The following USP15 variants were observed in gnomAD, a reference collection of about 807,000 sequenced individuals.
USP15 encodes the protein ubiquitin carboxyl-terminal hydrolase 15.
In USP15, 18 loss-of-function variants were observed where a neutral mutation model predicts 127.1. That is an observed-to-expected ratio of 0.14 (90% confidence interval 0.10 to 0.21). USP15 has a LOEUF of 0.21. Among genes scored for constraint, USP15 ranks in the 10% least tolerant of loss-of-function variants. The pLI is 1.00. For missense variants in USP15, 805 were observed against 1,159.9 expected, an observed-to-expected ratio of 0.69 and a Z score of 4.44; for synonymous variants, 364 against 393.7, an observed-to-expected ratio of 0.92 and a Z score of 0.89.
intron 3 of USP15, chr12:62,312,263 TTA>T (rs2064701949): frequency 2.9e-6 from 1 of 341,046 alleles, no homozygotes. Context: ...TAGAAATTAC[TTA>T]TATTTCTCTT....
At chr12:62,289,697 TTG>T (rs71450579) in intron 1 of USP15, among the ~76,000 whole-genome samples, 2,540 of 135,442 alleles carry the variant, frequency 0.019, 26 homozygotes, top group African/African-American at 0.034. Context: ...GGTTGTTAAT[TTG>T]TGTGTGTGTG....
At chr12:62,403,214 G>A (rs935923471) in intron 21 of USP15, among the ~76,000 whole-genome samples, 3 of 152,020 alleles carry the variant, frequency 2.0e-5, no homozygotes, top group Non-Finnish European at 4.4e-5. Context: ...GCCTCAGGCA[G>A]CAGTTGAAGC....
At chr12:62,282,398 A>G (rs1344395223) in intron 1 of USP15, among the ~76,000 whole-genome samples, 1 of 152,202 alleles carries the variant, frequency 6.6e-6, no homozygotes. Context: ...AACAATTAAT[A>G]ATAAAATAGG....
intron 4 of USP15, among the ~76,000 whole-genome samples, chr12:62,316,362 TATTATA>T (rs895801631): frequency 6.6e-6 from 1 of 151,970 alleles, no homozygotes; most frequent in African/African-American, 2.4e-5. Context: ...ATGTAAGTTT[TATTATA>T]ATTATTATTA....
At chr12:62,260,741 C>CGGT (rs2063023857) in intron 1 of USP15, among the ~76,000 whole-genome samples, 1 of 152,156 alleles carries the variant, frequency 6.6e-6, no homozygotes, top group South Asian at 2.1e-4. Flanking sequence ...GCGGCGGCGG[C>CGGT]GGTTCTGACT....
At chr12:62,401,108 A>G (rs780936194) in intron 20 of USP15, 79 bp from the exon 21 acceptor site, 5 of 861,062 alleles carry the variant, frequency 5.8e-6, no homozygotes, top group East Asian at 2.7e-5. Flanking sequence ...TATTCCTTAT[A>G]TAGATGATTA....
intron 5 of USP15, among the ~76,000 whole-genome samples, chr12:62,323,431 A>G (rs756202337): frequency 1.3e-5 from 2 of 152,200 alleles, no homozygotes; most frequent in South Asian, 2.1e-4. Flanking sequence ...AATGCCCACT[A>G]TATGTCAAGA....
chr12:62,368,744 G>T (rs891256480), intron 8 of USP15, among the ~76,000 whole-genome samples: 4 of 152,072 alleles, frequency 2.6e-5, no homozygotes, highest in African/African-American at 9.7e-5. Context: ...ACATTCATGG[G>T]TCTTGACTCT....
At chr12:62,351,136 C>T (rs140845489) in intron 7 of USP15, among the ~76,000 whole-genome samples, 49 of 151,946 alleles carry the variant, frequency 3.2e-4, no homozygotes, top group Admixed American at 1.4e-3. Context: ...ACATTTAAAA[C>T]ATTTACATTC....
chr12:62,393,095 A>T lies in USP15; in HGVS notation c.2463A>T (p.Lys821Asn). 6.2e-7 allele frequency: 1 copy of T among 1,613,838 alleles called. No individual in the cohort carries two copies. Among genetic ancestry groups the T allele is most frequent in the Non-Finnish European group, 8.5e-7 (1 of 1,179,864 alleles). Reference sequence around the variant, plus strand: ...AAGAACATCAGCAAGCCACAAAGAAATTGGATTTATGGTCCCTGCCTCCAG... The same window carrying T: ...AAGAACATCAGCAAGCCACAAAGAATTTGGATTTATGGTCCCTGCCTCCAG... Reference protein sequence around the residue: ...NCKEHQQATKKLDLWSLPPVL... With the variant: ...NCKEHQQATKNLDLWSLPPVL... The change falls in exon 19 of 22, where the codon AAA becomes AAT. Residue 821 changes from lysine (K) to asparagine (N), a missense_variant. Coordinates refer to ENST00000280377, the MANE Select transcript of USP15 (RefSeq NM_001252078.2).
chr12:62,363,729 G>A (rs546900459), intron 8 of USP15, among the ~76,000 whole-genome samples: 1 of 151,888 alleles, frequency 6.6e-6, no homozygotes, highest in South Asian at 2.1e-4. Context: ...TCTCTCCCAT[G>A]ACTGCTGGAA....
chr12:62,281,280 C>G (rs1395323194), intron 1 of USP15, among the ~76,000 whole-genome samples: 2 of 152,126 alleles, frequency 1.3e-5, no homozygotes, highest in Admixed American at 6.6e-5. Flanking sequence ...TCTCATCTTT[C>G]TAATATATAC....
chr12:62,324,225 G>A (rs2065066037), intron 5 of USP15, among the ~76,000 whole-genome samples: 2 of 151,960 alleles, frequency 1.3e-5, no homozygotes, highest in South Asian at 4.2e-4. Flanking sequence ...ATAAAGGACT[G>A]AATTTTAATC....
intron 1 of USP15, among the ~76,000 whole-genome samples, chr12:62,269,327 T>C (rs905994066): frequency 3.9e-5 from 6 of 151,960 alleles, no homozygotes; most frequent in East Asian, 1.9e-4. Context: ...GGTAAGTATA[T>C]ATATATGTGT....
At chr12:62,359,742 T>C (rs149699057) in intron 8 of USP15, among the ~76,000 whole-genome samples, 59 of 152,238 alleles carry the variant, frequency 3.9e-4, no homozygotes, top group African/African-American at 1.4e-3. Flanking sequence ...CTAATTTAAC[T>C]CTTCCTAGGC....
rs150674386 is a variant in USP15, at chr12:62,268,787, CT to C, written c.89+8286del. On this transcript the variant is annotated intron_variant, in intron 1 of 21. Coordinates refer to ENST00000280377, the MANE Select transcript of USP15 (RefSeq NM_001252078.2). Reference sequence around the variant, plus strand: ...ATTCACATACCTTACAATTTGCCCACTTAAAGTGGACAGTTCACTGGGTTTT... The same window carrying C: ...ATTCACATACCTTACAATTTGCCCACTAAAGTGGACAGTTCACTGGGTTTT... Among the ~76,000 whole-genome samples the C allele has an allele frequency of 2.3e-3, 343 of 152,174 alleles. 5 individuals carry two copies. The highest frequency in any genetic ancestry group is 7.7e-3 in the African/African-American group (318 of 41,536).
In USP15 at chr12:62,300,540, GTTGATA is replaced by G. The variant is rs1199338403; in HGVS notation, c.218-2242_218-2237del. Among the ~76,000 whole-genome samples the G allele has an allele frequency of 6.6e-5, 10 of 152,086 alleles. No homozygotes were observed. In the East Asian group the frequency reaches 1.9e-3, roughly 29 times the overall value. ...TTTTAAAGCTGTAATAATAAATATA[GTTGATA>G]TTGATATAAAGACAAATACATCAGT... is the stretch of plus-strand genomic sequence containing the variant. On this transcript the variant is annotated intron_variant, in intron 2 of 21. Coordinates refer to ENST00000280377, the MANE Select transcript of USP15 (RefSeq NM_001252078.2).
intron 1 of USP15, among the ~76,000 whole-genome samples, chr12:62,281,201 T>G (rs1040127589): frequency 5.3e-5 from 8 of 152,216 alleles, no homozygotes; most frequent in Non-Finnish European, 1.2e-4. Flanking sequence ...AAATAAAATC[T>G]TTTCATTTAT....
In USP15 at chr12:62,327,755, C is replaced by T. The variant is rs553962303; in HGVS notation, c.683+1822C>T. On this transcript the variant is annotated intron_variant, in intron 6 of 21. Coordinates refer to ENST00000280377, the MANE Select transcript of USP15 (RefSeq NM_001252078.2). ...TATGTAATACCCAACACACCATACT[C>T]ATGCAATAAATATTGGTGAATACAG... The T allele has an allele frequency of 1.9e-5, 7 of 377,490 alleles. No individual in the cohort carries two copies. In the East Asian group the frequency reaches 5.1e-4, roughly 28 times the overall value. 23.4% of individuals were successfully genotyped at this position (377,490 alleles called of 1,614,324 possible). A position where few individuals can be genotyped will look rare whatever the true frequency, so the allele number is the denominator to read the frequency against.
Sources: allele counts gnomAD v4.1 joint callset (sites outside exome capture counted in the v4.1 genomes callset), GRCh38; gene constraint gnomAD v4.1.1; transcripts MANE v1.5; gene names NCBI Gene and HGNC (gene_info 2026-07-23, HGNC 2026-07-21).